Variants in RALGPS2 observed in about 807,000 individuals in gnomAD.
RALGPS2 encodes ras-specific guanine nucleotide-releasing factor RalGPS2.
A neutral mutation model predicts 86.8 loss-of-function variants in RALGPS2; 43 were observed. The observed-to-expected ratio is 0.50, with a 90% CI of 0.39 to 0.64. The LOEUF is 0.64. RALGPS2 is among the 30% of genes least tolerant of loss of function. The pLI is 0.00. For missense variants in RALGPS2, 536 were observed against 694.6 expected (o/e 0.77, Z 2.57); for synonymous variants, 243 against 231.3 (o/e 1.05, Z -0.46).
intron 8 of RALGPS2, among the ~76,000 whole-genome samples, chr1:178,861,787 TTC>T (rs1558156700): frequency 1.3e-5 from 2 of 152,222 alleles, no homozygotes; most frequent in Admixed American, 1.3e-4. Context: ...GCAATTTTTT[TTC>T]TGTTTTTTAT....
chr1:178,788,992 C>T (rs1027165333), intron 4 of RALGPS2, among the ~76,000 whole-genome samples: 9 of 151,574 alleles, frequency 5.9e-5, no homozygotes, highest in East Asian at 5.8e-4. Context: ...CTGCAACCTC[C>T]GCCTCCCGGG....
At chr1:178,748,105 A>C (rs1051298591) in intron 1 of RALGPS2, among the ~76,000 whole-genome samples, 1 of 152,156 alleles carries the variant, frequency 6.6e-6, no homozygotes, top group African/African-American at 2.4e-5. Context: ...GGATCACTTG[A>C]GGTCAGGAGT....
intron 18 of RALGPS2, among the ~76,000 whole-genome samples, chr1:178,903,287 A>T (rs1177972481): frequency 6.6e-6 from 1 of 152,200 alleles, no homozygotes; most frequent in Non-Finnish European, 1.5e-5. Context: ...GCAGGAAAAA[A>T]TAATACCAAA....
intron 1 of RALGPS2, among the ~76,000 whole-genome samples, chr1:178,736,125 G>A (rs1207770383): frequency 1.3e-5 from 2 of 149,712 alleles, no homozygotes; most frequent in Non-Finnish European, 3.0e-5. Context: ...ATATGTTGAT[G>A]TGTTATGTAA....
At chr1:178,879,071 A>G (rs767254647) in intron 10 of RALGPS2, 79 bp downstream of exon 10, 11 of 1,536,930 alleles carry the variant, frequency 7.2e-6, no homozygotes, top group South Asian at 2.5e-5. Flanking sequence ...TTAAACATCT[A>G]AATCCTACAT....
chr1:178,897,091 A>G (rs1040475120), intron 16 of RALGPS2, among the ~76,000 whole-genome samples: 1 of 152,040 alleles, frequency 6.6e-6, no homozygotes, highest in South Asian at 2.1e-4. Flanking sequence ...AATTTACAAG[A>G]AAAAAACAAA....
chr1:178,811,371 A>G lies in RALGPS2; in HGVS notation c.354A>G (p.Ala118=). ...ILHAQTLKIR[A]EVLSHYIKTA... Reference sequence around the variant, plus strand: ...ATGCTCAAACATTAAAAATTAGAGCAGAAGTTTTGAGCCACTATATTAAAA... The same window carrying G: ...ATGCTCAAACATTAAAAATTAGAGCGGAAGTTTTGAGCCACTATATTAAAA... The change falls in exon 6 of 20, where the codon GCA becomes GCG. Residue 118 remains alanine, a synonymous_variant. Transcript: ENST00000367635. The G allele has an allele frequency of 1.9e-6, 3 of 1,549,730 alleles. No individual in the cohort carries two copies. In the African/African-American group the frequency reaches 4.3e-5, roughly 22 times the overall value.
At chr1:178,761,889 T>C (rs1378830288) in intron 1 of RALGPS2, among the ~76,000 whole-genome samples, 2 of 152,148 alleles carry the variant, frequency 1.3e-5, no homozygotes, top group Admixed American at 6.6e-5. Flanking sequence ...TATTTTAGGG[T>C]CCGGGGTATT....
chr1:178,818,572 G>A (rs759999799), intron 6 of RALGPS2, among the ~76,000 whole-genome samples: 1 of 152,164 alleles, frequency 6.6e-6, no homozygotes, highest in Non-Finnish European at 1.5e-5. Context: ...TAACCCAGCT[G>A]TCAGCCTCCA....
chr1:178,888,787 A>AT (rs1659598119), intron 13 of RALGPS2, among the ~76,000 whole-genome samples: 1 of 152,114 alleles, frequency 6.6e-6, no homozygotes, highest in South Asian at 2.1e-4. Flanking sequence ...GACGAGTCTA[A>AT]TGGATACCTT....
chr1:178,893,232 T>C (rs868143548), intron 15 of RALGPS2, among the ~76,000 whole-genome samples: 2 of 147,526 alleles, frequency 1.4e-5, no homozygotes. Flanking sequence ...ATTAAAGTGT[T>C]GGTTATTTTG....
chr1:178,850,929 G>A, intron 8 of RALGPS2: 1 of 432,770 alleles, frequency 2.3e-6, no homozygotes, highest in African/African-American at 2.0e-5. Flanking sequence ...ACTAGGTTGT[G>A]GATACACATA....
chr1:178,750,185 A>G (rs1159092135), intron 1 of RALGPS2, among the ~76,000 whole-genome samples: 1 of 152,184 alleles, frequency 6.6e-6, no homozygotes, highest in East Asian at 1.9e-4. Flanking sequence ...AGGTTGGCAA[A>G]CCTTCTCTAA....
At chr1:178,900,402 A>C (rs543029103) in intron 17 of RALGPS2, among the ~76,000 whole-genome samples, 4 of 151,936 alleles carry the variant, frequency 2.6e-5, no homozygotes, top group Admixed American at 1.3e-4. Context: ...AATTTAAAAG[A>C]TTGATGACAT....
At chr1:178,898,104 G>C (rs1233847459) in intron 17 of RALGPS2, among the ~76,000 whole-genome samples, 1 of 151,968 alleles carries the variant, frequency 6.6e-6, no homozygotes, top group Non-Finnish European at 1.5e-5. Context: ...CTCTGGTTCA[G>C]TGATTCTTCC....
At chr1:178,901,682 T>C (rs1398202857) in intron 17 of RALGPS2, among the ~76,000 whole-genome samples, 4 of 148,236 alleles carry the variant, frequency 2.7e-5, no homozygotes, top group Non-Finnish European at 6.0e-5. Flanking sequence ...AGTGAGACTG[T>C]CTCAAAAAAA....
At chr1:178,881,022 A>G (rs1321437418) in intron 10 of RALGPS2, among the ~76,000 whole-genome samples, 2 of 152,132 alleles carry the variant, frequency 1.3e-5, no homozygotes, top group Non-Finnish European at 2.9e-5. Context: ...ACATTGACAT[A>G]TATTTACTAA....
At chr1:178,777,586 G>T (rs1329780948) in intron 2 of RALGPS2, among the ~76,000 whole-genome samples, 21 of 146,774 alleles carry the variant, frequency 1.4e-4, no homozygotes, top group South Asian at 6.6e-4. Flanking sequence ...CATCGCCAAG[G>T]CAATCCTAAG....
chr1:178,741,875 C>T (rs914492337), intron 1 of RALGPS2, among the ~76,000 whole-genome samples: 4 of 152,058 alleles, frequency 2.6e-5, no homozygotes, highest in African/African-American at 4.8e-5. Flanking sequence ...TGGTGGCTCA[C>T]GCCTGTAATC....
Sources: allele counts gnomAD v4.1 joint callset (sites outside exome capture counted in the v4.1 genomes callset), GRCh38; gene constraint gnomAD v4.1.1; transcripts MANE v1.5; gene names NCBI Gene and HGNC (gene_info 2026-07-23, HGNC 2026-07-21).